Variants in ASIC2 observed in about 807,000 individuals in gnomAD.
ASIC2 encodes the protein acid-sensing ion channel 2.
Under a neutral mutation model 57.3 loss-of-function variants are expected in ASIC2, and 25 were observed. The ratio of observed to expected loss-of-function variants is 0.44; its 90% CI spans 0.32 to 0.61. The LOEUF (loss-of-function observed/expected upper bound fraction) is 0.61, where lower values mean the gene tolerates loss of function less well. Ranked by LOEUF, ASIC2 falls within the 20% of genes least tolerant of loss-of-function variation. The pLI is 0.06. For synonymous variants in ASIC2, 319 were observed against 307.5 expected, an observed-to-expected ratio of 1.04 and a Z score of -0.39; for missense variants, 641 against 738.1, an observed-to-expected ratio of 0.87 and a Z score of 1.52.
At chr17:33,260,573 C>T (rs1478480100) in intron 1 of ASIC2, among the ~76,000 whole-genome samples, 2 of 152,208 alleles carry the variant, frequency 1.3e-5, no homozygotes, top group South Asian at 2.1e-4. Context: ...GCGGGGAATA[C>T]GAGGTCTTTG....
intron 1 of ASIC2, among the ~76,000 whole-genome samples, chr17:33,658,207 AACTAAATCTGAT>A (rs1907136425): frequency 6.6e-6 from 1 of 152,198 alleles, no homozygotes. Context: ...AAGACAAGAC[AACTAAATCTGAT>A]ACTAAACCAG....
intron 1 of ASIC2, among the ~76,000 whole-genome samples, chr17:33,483,828 AC>A (rs1343754187): frequency 6.6e-6 from 1 of 152,222 alleles, no homozygotes; most frequent in Non-Finnish European, 1.5e-5. Flanking sequence ...ACCAGGTATT[AC>A]TTTACATGAC....
At chr17:33,147,230 A>C (rs945958717) in intron 1 of ASIC2, among the ~76,000 whole-genome samples, 6 of 152,140 alleles carry the variant, frequency 3.9e-5, no homozygotes, top group African/African-American at 1.4e-4. Context: ...TAAAAACTGC[A>C]AAAAAAGCAG....
chr17:33,292,080 G>A lies in ASIC2; in HGVS notation c.36C>T (p.Ala12=), dbSNP rs904815462. The A allele has an allele frequency of 2.0e-5, 21 of 1,065,754 alleles. No homozygotes were observed. In the African/African-American group the frequency reaches 3.6e-4, roughly 18 times the overall value. 66.0% of individuals were successfully genotyped at this position (1,065,754 alleles called of 1,614,324 possible). The change falls in exon 1 of 10, where the codon GCC becomes GCT. Residue 12 remains alanine, a synonymous_variant. Coordinates refer to ENST00000225823, the MANE Select transcript of ASIC2 (RefSeq NM_183377.2). The stretch of plus-strand genomic sequence containing the variant: ...GGAAGCGTCCCGGGCCGGTGAGCGC[G>A]GCTGCGGGCAGCCCGGCTCCGCCAA... ...SRIGGAGLPA[A]ALTGPGRFRM...
rs577816906 is a variant in ASIC2 at position 33,016,714 on chromosome 17, G to C, written c.1522-675C>G. On this transcript the variant is annotated intron_variant, in intron 8 of 9. Coordinates refer to ENST00000225823, the MANE Select transcript of ASIC2 (RefSeq NM_183377.2). ...GTGGTTCCGAGCAGCCTTTGGTCATGAACAGCCCCCTCCGAGAGACAGAAC... is the reference window on the plus strand; with the variant it reads ...GTGGTTCCGAGCAGCCTTTGGTCATCAACAGCCCCCTCCGAGAGACAGAAC... Among the ~76,000 whole-genome samples the C allele has an allele frequency of 2.0e-5, 3 of 152,166 alleles. No homozygotes were observed. In the East Asian group the frequency reaches 5.8e-4, roughly 29 times the overall value.
At chr17:33,825,863 G>T (rs933644503) in intron 1 of ASIC2, among the ~76,000 whole-genome samples, 3 of 151,996 alleles carry the variant, frequency 2.0e-5, no homozygotes, top group Non-Finnish European at 2.9e-5. Flanking sequence ...TTAAATAAAA[G>T]ATATATAAGA....
chr17:33,281,322 A>G (rs1047153307), intron 1 of ASIC2, among the ~76,000 whole-genome samples: 7 of 152,206 alleles, frequency 4.6e-5, no homozygotes, highest in African/African-American at 7.2e-5. Flanking sequence ...TACGGCCTTA[A>G]AAGTCTTTCT....
chr17:34,079,573 C>T (rs925319961), intron 1 of ASIC2, among the ~76,000 whole-genome samples: 1 of 152,222 alleles, frequency 6.6e-6, no homozygotes, highest in Non-Finnish European at 1.5e-5. Flanking sequence ...GATGGCCTCT[C>T]CAACTGTATG....
intron 1 of ASIC2, chr17:34,002,564 T>G (rs1176265677): frequency 6.6e-6 from 1 of 152,224 alleles, no homozygotes; most frequent in Non-Finnish European, 1.5e-5. Flanking sequence ...GGTGCTCTCC[T>G]CAAAGAGCTT....
intron 1 of ASIC2, among the ~76,000 whole-genome samples, chr17:33,178,863 C>T (rs528294779): frequency 5.0e-4 from 76 of 152,316 alleles, no homozygotes; most frequent in Non-Finnish European, 8.7e-4. Flanking sequence ...CCGACAGCCT[C>T]CCTGTAGCAG....
chr17:33,619,085 A>G (rs1905695450), intron 1 of ASIC2, among the ~76,000 whole-genome samples: 3 of 152,220 alleles, frequency 2.0e-5, no homozygotes, highest in African/African-American at 7.2e-5. Flanking sequence ...ACTGAAGATC[A>G]AAAGAAAAAA....
At position 33,818,128 on chromosome 17, in the gene ASIC2, G is replaced by A. The variant is rs115287510; in HGVS notation, c.555+337850C>T. ...CATAAAGATCCTCCTGGAGTTGAGG[G>A]ATAAGGAAATAGACTCCACCTCTTG... On this transcript the variant is annotated intron_variant, in intron 1 of 9. Transcript: ENST00000359872. Among the ~76,000 whole-genome samples, 544 of 152,260 alleles carry A rather than the reference G, an allele frequency of 3.6e-3. 5 individuals are homozygous for A. The highest frequency in any genetic ancestry group is 0.012 in the African/African-American group (517 of 41,556).
chr17:33,479,768 G>A (rs1913342873), intron 1 of ASIC2, among the ~76,000 whole-genome samples: 1 of 152,140 alleles, frequency 6.6e-6, no homozygotes, highest in African/African-American at 2.4e-5. Context: ...GGAGACAAGG[G>A]ACCCTCTCCT....
chr17:33,726,301 T>C lies in ASIC2; in HGVS notation c.555+429677A>G, dbSNP rs1462916037. ...GCCCCAGTTGCCATCTGACCACACC[T>C]GTATGAGAGATTGGAGCAAAACCAG... On this transcript the variant is annotated intron_variant, in intron 1 of 9. Coordinates refer to the ASIC2 transcript ENST00000359872. Among the ~76,000 whole-genome samples, 3 of 152,054 alleles carry C rather than the reference T, an allele frequency of 2.0e-5. No individual in the cohort carries two copies. In the East Asian group the frequency reaches 5.8e-4, roughly 29 times the overall value.
At chr17:33,940,263 AT>A (rs1164506554) in intron 1 of ASIC2, among the ~76,000 whole-genome samples, 4 of 152,070 alleles carry the variant, frequency 2.6e-5, no homozygotes, top group African/African-American at 7.3e-5. Flanking sequence ...GGTTCACTCC[AT>A]GATTTCTATG....
At chr17:33,487,226 T>C (rs1482456405) in intron 1 of ASIC2, among the ~76,000 whole-genome samples, 7 of 152,162 alleles carry the variant, frequency 4.6e-5, no homozygotes, top group Non-Finnish European at 1.0e-4. Context: ...TAGGTTAAAT[T>C]CAGAGCATTC....
At chr17:33,626,861 C>T (rs1244614844) in intron 1 of ASIC2, among the ~76,000 whole-genome samples, 1 of 152,148 alleles carries the variant, frequency 6.6e-6, no homozygotes, top group Non-Finnish European at 1.5e-5. Context: ...CCTTCCTCTG[C>T]CCTATGAACA....
chr17:33,924,750 C>T (rs1345381080), intron 1 of ASIC2, among the ~76,000 whole-genome samples: 1 of 152,182 alleles, frequency 6.6e-6, no homozygotes, highest in Admixed American at 6.5e-5. Flanking sequence ...ACAAAGCTGC[C>T]TGCTGTCTCG....
chr17:34,151,408 G>A (rs1478507711), intron 1 of ASIC2, among the ~76,000 whole-genome samples: 1 of 152,188 alleles, frequency 6.6e-6, no homozygotes, highest in East Asian at 1.9e-4. Flanking sequence ...CTATTTGATT[G>A]ACAAAGGAAT....
Sources: allele counts gnomAD v4.1 joint callset (sites outside exome capture counted in the v4.1 genomes callset), GRCh38; gene constraint gnomAD v4.1.1; transcripts MANE v1.5; gene names NCBI Gene and HGNC (gene_info 2026-07-23, HGNC 2026-07-21).